Variants in ALG14 observed in about 807,000 individuals in gnomAD.
The protein encoded by ALG14 is ALG14 UDP-N-acetylglucosaminyltransferase subunit, also known as UDP-N-acetylglucosamine transferase subunit ALG14.
Under a neutral mutation model 22.8 loss-of-function variants are expected in ALG14, and 17 were observed. The observed-to-expected ratio is 0.75, with a 90% CI of 0.51 to 1.12. ALG14 has a LOEUF of 1.12. Ranked by LOEUF, ALG14 falls within the 50% of genes most tolerant of loss-of-function variation. The pLI, the probability that ALG14 is intolerant of heterozygous loss-of-function variation, is 0.00. For missense variants in ALG14, 288 were observed against 271.8 expected, an observed-to-expected ratio of 1.06 and a Z score of -0.42; for synonymous variants, 89 against 103.7, an observed-to-expected ratio of 0.86 and a Z score of 0.86.
chr1:95,004,042 G>A lies in ALG14; in HGVS notation c.421-20736C>T, dbSNP rs1454946466. ...TTTCAAACTTTGTTTTAAACATCTT[G>A]TAAGCATTGTATTCAATTCCCAATA... On this transcript the variant is annotated intron_variant, in intron 3 of 3. Transcript: ENST00000370205. Among the ~76,000 whole-genome samples, 3 of 151,948 alleles carry A rather than the reference G, an allele frequency of 2.0e-5. No individual in the cohort carries two copies. The East Asian group carries it at 5.8e-4, about 29-fold the overall frequency.
At position 94,979,641 on chromosome 1, in the gene ALG14, A is replaced by G. The variant is rs1672462969; in HGVS notation, c.*3435T>C. ...GGATAATGAAACAAAAAAGGCAACC[A>G]ATTATAATTGGGTAAAGAAAGAGTG... On this transcript the variant is annotated 3_prime_UTR_variant, in exon 4 of 4. Coordinates refer to ENST00000370205, the MANE Select transcript of ALG14 (RefSeq NM_144988.4). 1 of 152,186 alleles carries G rather than the reference A, an allele frequency of 6.6e-6. No individual in the cohort carries two copies. Among genetic ancestry groups the G allele is most frequent in the African/African-American group, 2.4e-5 (1 of 41,454 alleles). The allele number at this position is 152,186 out of a possible 1,614,324, so 9.4% of individuals were successfully genotyped here.
In ALG14 at chr1:94,974,509, A is replaced by G. The variant is rs2100698588; in HGVS notation, c.*8567T>C. On this transcript the variant is annotated 3_prime_UTR_variant, in exon 4 of 4. Transcript: ENST00000370205. ...TCCAACCATGTGCTTATTCATCTGC[A>G]TATGGTTAAAGATTTAAAAGAATCC... is the stretch of plus-strand genomic sequence containing the variant. The G allele has an allele frequency of 6.6e-6, 1 of 152,348 alleles. No individual in the cohort carries two copies. The highest frequency in any genetic ancestry group is 6.5e-5 in the Admixed American group (1 of 15,298). 9.4% of individuals were successfully genotyped at this position (152,348 alleles called of 1,614,324 possible). A position where few individuals can be genotyped will look rare whatever the true frequency, so the allele number is the denominator to read the frequency against.
intron 3 of ALG14, among the ~76,000 whole-genome samples, chr1:95,023,392 G>A (rs1673721216): frequency 6.6e-6 from 1 of 152,148 alleles, no homozygotes; most frequent in Admixed American, 6.5e-5. Context: ...CCAAAGTGCT[G>A]GAATTACAGG....
At chr1:95,067,804 C>G (rs145424909) in intron 1 of ALG14, among the ~76,000 whole-genome samples, 495 of 152,268 alleles carry the variant, frequency 3.3e-3, no homozygotes, top group Non-Finnish European at 5.8e-3. Context: ...TTATTTACTT[C>G]TGCTCAAAAT....
At chr1:95,034,659 C>T (rs1674124285) in intron 2 of ALG14, among the ~76,000 whole-genome samples, 1 of 152,088 alleles carries the variant, frequency 6.6e-6, no homozygotes, top group African/African-American at 2.4e-5. Context: ...GCTGCTGACT[C>T]ACCTCCTTCT....
At chr1:95,058,832 G>A (rs1057244889) in intron 2 of ALG14, among the ~76,000 whole-genome samples, 1 of 151,822 alleles carries the variant, frequency 6.6e-6, no homozygotes, top group Non-Finnish European at 1.5e-5. Context: ...ATTAAAAAGT[G>A]ATACTTGAGC....
chr1:95,011,928 A>G (rs980338262), intron 3 of ALG14, among the ~76,000 whole-genome samples: 2 of 152,196 alleles, frequency 1.3e-5, no homozygotes, highest in Admixed American at 1.3e-4. Flanking sequence ...CCCAAATCTC[A>G]TCTTGAATTG....
At chr1:95,036,525 C>T (rs1674200944) in intron 2 of ALG14, among the ~76,000 whole-genome samples, 1 of 136,540 alleles carries the variant, frequency 7.3e-6, no homozygotes, top group Admixed American at 8.2e-5. Context: ...AACCCAAATT[C>T]AAGCAATTCT....
rs778364049 is a variant in ALG14, at chr1:95,027,209, A to C, written c.340T>G (p.Ser114Ala). The change falls in exon 3 of 4, where the codon TCC becomes GCC. Residue 114 changes from serine to alanine, a missense_variant. Transcript: ENST00000370205. ...RIPRSREVQQ[S>A]WPSTVFTTLH... Reference sequence around the variant, plus strand: ...GTGGTGAAAACGGTGGAGGGCCAGGACTGCTGAACCTCCCGGCTTCTTGGA... The same window carrying C: ...GTGGTGAAAACGGTGGAGGGCCAGGCCTGCTGAACCTCCCGGCTTCTTGGA... 1 of 1,614,182 alleles carries C rather than the reference A, an allele frequency of 6.2e-7. No individual in the cohort carries two copies. Among genetic ancestry groups the C allele is most frequent in the Non-Finnish European group, 8.5e-7 (1 of 1,180,014 alleles).
chr1:94,984,773 C>A (rs1672593121), intron 3 of ALG14, among the ~76,000 whole-genome samples: 1 of 152,166 alleles, frequency 6.6e-6, no homozygotes, highest in Non-Finnish European at 1.5e-5. Context: ...AAACTGCAAA[C>A]CAGCTCTGTG....
chr1:95,050,629 A>C (rs866698537), intron 2 of ALG14, among the ~76,000 whole-genome samples: 1 of 152,236 alleles, frequency 6.6e-6, no homozygotes, highest in Non-Finnish European at 1.5e-5. Flanking sequence ...AAAAGGGAAC[A>C]GGCAGCCTGT....
intron 3 of ALG14, among the ~76,000 whole-genome samples, chr1:94,999,144 A>C (rs1348981302): frequency 6.6e-6 from 1 of 152,096 alleles, no homozygotes; most frequent in Non-Finnish European, 1.5e-5. Context: ...AAAAACTATG[A>C]AACATCCTTA....
At chr1:94,987,752 C>T (rs561225758) in intron 3 of ALG14, among the ~76,000 whole-genome samples, 1 of 152,124 alleles carries the variant, frequency 6.6e-6, no homozygotes, top group Non-Finnish European at 1.5e-5. Context: ...CAGTAAAACA[C>T]CCCCGCCAAA....
intron 2 of ALG14, among the ~76,000 whole-genome samples, chr1:95,037,738 T>C (rs1001243744): frequency 6.6e-6 from 1 of 152,210 alleles, no homozygotes; most frequent in Non-Finnish European, 1.5e-5. Flanking sequence ...CTTAAAATGG[T>C]AAGAAAATTG....
intron 3 of ALG14, among the ~76,000 whole-genome samples, chr1:95,003,026 T>C (rs1299756387): frequency 2.6e-5 from 4 of 152,214 alleles, no homozygotes; most frequent in Non-Finnish European, 5.9e-5. Flanking sequence ...TGACATTTAC[T>C]AGCTGAAAAC....
At chr1:94,984,801 A>G (rs2100711552) in intron 3 of ALG14, among the ~76,000 whole-genome samples, 1 of 152,354 alleles carries the variant, frequency 6.6e-6, no homozygotes, top group Non-Finnish European at 1.5e-5. Context: ...GCAACAGCAT[A>G]AAGAACAATC....
Position 95,048,641 on chromosome 1 carries a change from G to T in ALG14, c.288+16225C>A, listed in dbSNP as rs538997545. 1.8e-4 allele frequency among the ~76,000 whole-genome samples: 28 copies of T among 152,166 alleles called. No individual in the cohort carries two copies. In the South Asian group the frequency reaches 4.6e-3, roughly 25 times the overall value. ...TACCTTCATAGGGCTCTGGTAATTG[G>T]CTCTATTTGGAAAGGTTACTCTCCA... On this transcript the variant is annotated intron_variant, in intron 2 of 3. Coordinates refer to ENST00000370205, the MANE Select transcript of ALG14 (RefSeq NM_144988.4).
chr1:95,068,548 C>T (rs1209959583), intron 1 of ALG14, among the ~76,000 whole-genome samples: 1 of 152,120 alleles, frequency 6.6e-6, no homozygotes, highest in Non-Finnish European at 1.5e-5. Context: ...CCTCAGCCTC[C>T]CAAATTGCTG....
At chr1:95,071,528 G>A (rs574971128) in intron 1 of ALG14, among the ~76,000 whole-genome samples, 7 of 152,274 alleles carry the variant, frequency 4.6e-5, no homozygotes, top group South Asian at 2.1e-4. Context: ...GGGCAACAGC[G>A]TGAGACTCTG....
Sources: allele counts gnomAD v4.1 joint callset (sites outside exome capture counted in the v4.1 genomes callset), GRCh38; gene constraint gnomAD v4.1.1; transcripts MANE v1.5; gene names NCBI Gene and HGNC (gene_info 2026-07-23, HGNC 2026-07-21).